The following SUCLG2 variants were observed in gnomAD, a reference collection of about 807,000 sequenced individuals.
SUCLG2 encodes the protein succinate-CoA ligase GDP-forming subunit beta, also known as succinate--CoA ligase [GDP-forming] subunit beta, mitochondrial.
A neutral mutation model predicts 47.9 loss-of-function variants in SUCLG2; 42 were observed. That is an observed-to-expected ratio of 0.88 (90% CI 0.69 to 1.14). SUCLG2 has a LOEUF of 1.14. SUCLG2 is among the 50% of genes most tolerant of loss of function. The pLI is 0.00. For missense variants in SUCLG2, 571 were observed against 525.9 expected (o/e 1.09, Z -0.84); for synonymous variants, 195 against 197.3 (o/e 0.99, Z 0.10).
intron 2 of SUCLG2, among the ~76,000 whole-genome samples, chr3:67,604,962 C>T (rs545441056): frequency 6.6e-6 from 1 of 152,162 alleles, no homozygotes; most frequent in Non-Finnish European, 1.5e-5. Flanking sequence ...ACTCTCCTAA[C>T]ACATGATTAA....
chr3:67,635,515 T>C (rs116802839), intron 1 of SUCLG2, among the ~76,000 whole-genome samples: 2,500 of 152,298 alleles, frequency 0.016, 71 homozygotes, highest in African/African-American at 0.056. Context: ...CTTACTTTAG[T>C]TCTTTTTTAC....
intron 1 of SUCLG2, among the ~76,000 whole-genome samples, chr3:67,637,603 C>G (rs1024347021): frequency 6.6e-6 from 1 of 152,182 alleles, no homozygotes; most frequent in African/African-American, 2.4e-5. Context: ...AAATACACTA[C>G]TAAATTAACA....
At chr3:67,588,302 G>C (rs1165712878) in intron 2 of SUCLG2, among the ~76,000 whole-genome samples, 1 of 152,156 alleles carries the variant, frequency 6.6e-6, no homozygotes, top group Non-Finnish European at 1.5e-5. Context: ...ATTTTAAGTT[G>C]CTAAATGCTC....
chr3:67,372,621 GAC>G (rs1185607755), downstream of SUCLG2, among the ~76,000 whole-genome samples: 1 of 152,144 alleles, frequency 6.6e-6, no homozygotes, highest in Admixed American at 6.5e-5. Flanking sequence ...GTGATGGAAA[GAC>G]AAAAAGTAAC....
At chr3:67,560,616 C>T (rs1707284659) in intron 2 of SUCLG2, among the ~76,000 whole-genome samples, 2 of 152,134 alleles carry the variant, frequency 1.3e-5, no homozygotes, top group South Asian at 2.1e-4. Flanking sequence ...GTACAATGTA[C>T]AAGTCTTGGT....
At chr3:67,439,588 TAAC>T (rs1559526938) in intron 9 of SUCLG2, among the ~76,000 whole-genome samples, 1 of 151,564 alleles carries the variant, frequency 6.6e-6, no homozygotes, top group Admixed American at 6.6e-5. Context: ...TATACACCAA[TAAC>T]AAACAGAGAG....
At chr3:67,649,621 A>T (rs1163298285) in intron 1 of SUCLG2, among the ~76,000 whole-genome samples, 1 of 152,228 alleles carries the variant, frequency 6.6e-6, no homozygotes, top group East Asian at 1.9e-4. Context: ...CTGCCTCTGC[A>T]TGAATTCACC....
intron 9 of SUCLG2, among the ~76,000 whole-genome samples, chr3:67,485,648 A>T (rs1422164507): frequency 6.6e-6 from 1 of 152,238 alleles, no homozygotes; most frequent in Non-Finnish European, 1.5e-5. Context: ...CAATTAGGAA[A>T]TTTTTTAAAA....
At position 67,413,868 on chromosome 3, in the gene SUCLG2, C is replaced by G. The variant is rs1702979647; in HGVS notation, c.1063-13017G>C. The stretch of plus-strand genomic sequence containing the variant: ...ATGTCTGGACAAATGTCCCTGTTTG[C>G]AGACGCCTACCTCATCCATCTTATC... On this transcript the variant is annotated intron_variant, in intron 9 of 10. Transcript: ENST00000307227. Among the ~76,000 whole-genome samples, 3 of 152,206 alleles carry G rather than the reference C, an allele frequency of 2.0e-5. No homozygotes were observed. The South Asian group carries it at 6.2e-4, about 32-fold the overall frequency.
chr3:67,606,506 C>A (rs1255587557), intron 2 of SUCLG2, among the ~76,000 whole-genome samples: 2 of 152,116 alleles, frequency 1.3e-5, no homozygotes, highest in East Asian at 3.9e-4. Flanking sequence ...CTTTACATTT[C>A]TTTGCTCTCA....
At chr3:67,403,000 C>T (rs1331633132) in intron 9 of SUCLG2, among the ~76,000 whole-genome samples, 3 of 152,098 alleles carry the variant, frequency 2.0e-5, no homozygotes, top group African/African-American at 7.2e-5. Flanking sequence ...TGGGTGAGTG[C>T]CTGGAGTAAG....
At chr3:67,454,042 G>A (rs1453765989) in intron 9 of SUCLG2, among the ~76,000 whole-genome samples, 5 of 152,162 alleles carry the variant, frequency 3.3e-5, no homozygotes, top group African/African-American at 1.2e-4. Flanking sequence ...GAAGTTAATA[G>A]GCTGACTGAT....
intron 10 of SUCLG2, among the ~76,000 whole-genome samples, chr3:67,369,391 C>G (rs1701920634): frequency 6.6e-6 from 1 of 152,082 alleles, no homozygotes. Context: ...TTCTTGTTTT[C>G]TTGGTCATGA....
At chr3:67,537,027 C>A (rs1706562769) in intron 2 of SUCLG2, among the ~76,000 whole-genome samples, 1 of 152,068 alleles carries the variant, frequency 6.6e-6, no homozygotes, top group South Asian at 2.1e-4. Flanking sequence ...TATGTACAGT[C>A]ATTAACAATA....
intron 7 of SUCLG2, among the ~76,000 whole-genome samples, chr3:67,506,005 C>CA (rs1246262150): frequency 1.3e-5 from 2 of 151,810 alleles, no homozygotes; most frequent in Non-Finnish European, 2.9e-5. Context: ...ACAACAACAA[C>CA]AAAAAAGAGC....
chr3:67,527,512 G>C (rs1220720806), intron 4 of SUCLG2, among the ~76,000 whole-genome samples: 2 of 152,304 alleles, frequency 1.3e-5, no homozygotes, highest in East Asian at 1.9e-4. Flanking sequence ...GCAGGAGGGA[G>C]AGTTAGGTTC....
intron 1 of SUCLG2, among the ~76,000 whole-genome samples, chr3:67,626,107 C>G (rs549834062): frequency 3.8e-4 from 57 of 151,904 alleles, no homozygotes; most frequent in African/African-American, 1.4e-3. Context: ...GCAAGCTCCG[C>G]CTCCCGGGTT....
intron 9 of SUCLG2, among the ~76,000 whole-genome samples, chr3:67,475,717 TC>T (rs1298186401): frequency 2.7e-5 from 4 of 149,898 alleles, no homozygotes; most frequent in Non-Finnish European, 5.9e-5. Flanking sequence ...TTCCTTCCCC[TC>T]CTTTTTTTTT....
At chr3:67,426,251 A>AT (rs1703299027) in intron 9 of SUCLG2, among the ~76,000 whole-genome samples, 1 of 152,208 alleles carries the variant, frequency 6.6e-6, no homozygotes, top group Non-Finnish European at 1.5e-5. Flanking sequence ...TCAGTGTCAT[A>AT]TTAGCACCTG....
Sources: allele counts gnomAD v4.1 joint callset (sites outside exome capture counted in the v4.1 genomes callset), GRCh38; gene constraint gnomAD v4.1.1; transcripts MANE v1.5; gene names NCBI Gene and HGNC (gene_info 2026-07-23, HGNC 2026-07-21).